CSNK1G2: variants seen among roughly 807,000 people sequenced by gnomAD.
CSNK1G2 encodes the protein casein kinase I isoform gamma-2.
In CSNK1G2, 11 loss-of-function variants were observed where a neutral mutation model predicts 48.0. That is an observed-to-expected ratio of 0.23 (90% CI 0.14 to 0.38). The LOEUF (loss-of-function observed/expected upper bound fraction) is 0.38, where lower values mean the gene tolerates loss of function less well. CSNK1G2 is among the 10% of genes least tolerant of loss of function. The pLI is 1.00. For missense variants in CSNK1G2, 446 were observed against 595.5 expected, an observed-to-expected ratio of 0.75 and a Z score of 2.61; for synonymous variants, 337 against 254.1, an observed-to-expected ratio of 1.33 and a Z score of -3.10.
intron 1 of CSNK1G2, among the ~76,000 whole-genome samples, chr19:1,946,009 C>T (rs897898261): frequency 6.6e-6 from 1 of 152,076 alleles, no homozygotes; most frequent in Admixed American, 6.5e-5. Flanking sequence ...CGGCCTGACC[C>T]GTGGGGTATG....
intron 1 of CSNK1G2, among the ~76,000 whole-genome samples, chr19:1,948,476 C>T (rs2083225): frequency 0.6 from 88,342 of 146,182 alleles, 27,568 homozygotes; most frequent in Non-Finnish European, 0.69. Context: ...TGAGCTGAGA[C>T]CGCGCCATTG....
chr19:1,958,780 C>T (rs1311971228), intron 1 of CSNK1G2, among the ~76,000 whole-genome samples: 7 of 80,704 alleles, frequency 8.7e-5, no homozygotes, highest in Admixed American at 4.7e-4. Context: ...CCCCCGTCCC[C>T]CTGTCCCCCC....
At chr19:1,968,427 G>A (rs1005470348) in intron 1 of CSNK1G2, among the ~76,000 whole-genome samples, 2 of 152,098 alleles carry the variant, frequency 1.3e-5, no homozygotes, top group African/African-American at 4.8e-5. Flanking sequence ...TCCCGTCGGG[G>A]CCTGCGCTGA....
Position 1,980,112 on chromosome 19 carries a change from A to C in CSNK1G2, c.1194-37A>C, listed in dbSNP as rs2015929917. The C allele has an allele frequency of 1.9e-6, 3 of 1,611,468 alleles. No individual in the cohort carries two copies. In the African/African-American group the frequency reaches 4.0e-5, roughly 21 times the overall value. ...GAGGCCTGGGCTGCCCCCGCCCTGC[A>C]CCCCGGTCCTCCTACCTGAGCCACT... is the stretch of plus-strand genomic sequence containing the variant. On this transcript the variant is annotated intron_variant, in intron 11 of 11. Transcript: ENST00000255641.
At chr19:1,973,194 T>A (rs2015634657) in intron 2 of CSNK1G2, among the ~76,000 whole-genome samples, 5 of 151,980 alleles carry the variant, frequency 3.3e-5, no homozygotes, top group African/African-American at 1.2e-4. Flanking sequence ...CCCAAAGTGC[T>A]GGGATTACAG....
At chr19:1,945,732 G>A (rs2014530685) in intron 1 of CSNK1G2, among the ~76,000 whole-genome samples, 1 of 151,088 alleles carries the variant, frequency 6.6e-6, no homozygotes, top group African/African-American at 2.4e-5. Context: ...TGAGGCAGGA[G>A]AATCACTTGA....
At chr19:1,954,248 G>T in intron 1 of CSNK1G2, 1 of 313,694 alleles carries the variant, frequency 3.2e-6, no homozygotes, top group South Asian at 2.6e-5. Context: ...GGCTGGGCCT[G>T]GCCCCGCTCT....
intron 1 of CSNK1G2, among the ~76,000 whole-genome samples, chr19:1,963,470 C>T (rs933496029): frequency 6.6e-6 from 1 of 152,010 alleles, no homozygotes; most frequent in African/African-American, 2.4e-5. Flanking sequence ...CCTCGGCCTC[C>T]CAAAGTGCTG....
In CSNK1G2 at chr19:1,979,755, A is replaced by G. The variant is rs970324850; in HGVS notation, c.1006A>G (p.Thr336Ala). The G allele has an allele frequency of 6.2e-7, 1 of 1,603,218 alleles. No individual in the cohort carries two copies. The highest frequency in any genetic ancestry group is 2.2e-5 in the East Asian group (1 of 44,642). The change falls in exon 10 of 12, where the codon ACC becomes GCC. Residue 336 changes from threonine (T) to alanine (A), a missense_variant. Physicochemically the swap from Thr to Ala is moderately conservative, Grantham distance 58 (BLOSUM62 0). Coordinates refer to ENST00000255641, the MANE Select transcript of CSNK1G2 (RefSeq NM_001319.7). ...ACCCCTGCTCCCTCACCCACAGCCG[A>G]CCCCCATCGGCACCGTCCACACCGA... ...EYDWAGKPLP[T>A]PIGTVHTDLP...
At chr19:1,945,327 C>T (rs112107286) in intron 1 of CSNK1G2, among the ~76,000 whole-genome samples, 2,452 of 150,466 alleles carry the variant, frequency 0.016, 70 homozygotes, top group African/African-American at 0.059. Flanking sequence ...GCTGACTGTT[C>T]GGGGCACGCG....
intron 1 of CSNK1G2, among the ~76,000 whole-genome samples, chr19:1,960,844 G>T (rs908674371): frequency 7.2e-5 from 11 of 152,156 alleles, no homozygotes; most frequent in African/African-American, 2.7e-4. Flanking sequence ...AGCCGAGATC[G>T]CACCACTACA....
At chr19:1,970,493 G>T (rs1346331139) in intron 2 of CSNK1G2, among the ~76,000 whole-genome samples, 2 of 152,228 alleles carry the variant, frequency 1.3e-5, no homozygotes, top group African/African-American at 2.4e-5. Context: ...ACCTCTCCCG[G>T]GTCGGGGTCT....
At position 1,950,753 on chromosome 19, in the gene CSNK1G2, C is replaced by T. The variant is rs1380756264; in HGVS notation, c.-266+9335C>T. ...CCACCAGCACCCGTCCCCCTGCCTC[C>T]CTCCAGCCAGTGTCAGGTGGGGACC... On this transcript the variant is annotated intron_variant, in intron 1 of 11. Transcript: ENST00000255641. Among the ~76,000 whole-genome samples, 4 of 145,644 alleles carry T rather than the reference C, an allele frequency of 2.7e-5. 1 individual carries two copies.
chr19:1,975,243 C>G (rs1192713586), intron 2 of CSNK1G2: 23 of 985,356 alleles, frequency 2.3e-5, no homozygotes, highest in Non-Finnish European at 2.5e-5. Context: ...TCCGCCTGCC[C>G]GTCAGGGAGC....
intron 2 of CSNK1G2, chr19:1,976,165 CCT>C: frequency 8.5e-7 from 1 of 1,171,900 alleles, no homozygotes; most frequent in Non-Finnish European, 1.1e-6. Context: ...GGGCACGGCT[CCT>C]GTTGTTTTAC....
At chr19:1,954,664 G>T (rs1381123992) in intron 1 of CSNK1G2, 3 of 152,332 alleles carry the variant, frequency 2.0e-5, no homozygotes, top group African/African-American at 7.2e-5. Flanking sequence ...CCTCCCCAGG[G>T]AACTGGCCCT....
intron 1 of CSNK1G2, among the ~76,000 whole-genome samples, chr19:1,968,349 G>A (rs2015448911): frequency 6.6e-6 from 1 of 151,812 alleles, no homozygotes; most frequent in Admixed American, 6.6e-5. Flanking sequence ...CAGTTCTGCA[G>A]GTGGGGCTCC....
rs1016697226 is a variant in CSNK1G2 at position 1,964,256 on chromosome 19, G to A, written c.-265-5252G>A. 4.6e-5 allele frequency among the ~76,000 whole-genome samples: 7 copies of A among 151,610 alleles called. No individual in the cohort carries two copies. In the South Asian group the frequency reaches 1.0e-3, roughly 23 times the overall value. ...TGCAGCAAGCTGTGATTGCGCCATG[G>A]CACTCCTGCCTGGGTGACAGAGTGA... On this transcript the variant is annotated intron_variant, in intron 1 of 11. Transcript: ENST00000255641.
At chr19:1,954,183 A>G in intron 1 of CSNK1G2, 1 of 393,058 alleles carries the variant, frequency 2.5e-6, no homozygotes, top group South Asian at 1.9e-5. Context: ...TGGCCGCGGC[A>G]GCTCCTGCGC....
Sources: gnomAD v4.1 joint callset for allele counts (sites outside exome capture counted in the v4.1 genomes callset) on GRCh38, gnomAD v4.1.1 for gene constraint, MANE v1.5 for transcripts, NCBI Gene and HGNC (gene_info 2026-07-23, HGNC 2026-07-21) for gene names.